VPS26C: variants seen among roughly 807,000 people sequenced by gnomAD.
VPS26C encodes vacuolar protein sorting-associated protein 26C.
A neutral mutation model predicts 30.6 loss-of-function variants in VPS26C; 19 were observed. The observed-to-expected ratio is 0.62, with a 90% CI of 0.43 to 0.91. VPS26C has a LOEUF of 0.91. VPS26C is among the 40% of genes least tolerant of loss of function. The pLI is 0.00. For synonymous variants in VPS26C, 132 were observed against 151.5 expected (o/e 0.87, Z 0.95); for missense variants, 318 against 385.1 (o/e 0.83, Z 1.46).
At chr21:37,239,774 T>G (rs1489754618) in intron 2 of VPS26C, among the ~76,000 whole-genome samples, 1 of 152,108 alleles carries the variant, frequency 6.6e-6, no homozygotes, top group Non-Finnish European at 1.5e-5. Context: ...TTTTTTGTGT[T>G]TTTAGTAGAA....
At chr21:37,244,198 G>A (rs1040776156) in intron 1 of VPS26C, among the ~76,000 whole-genome samples, 7 of 152,346 alleles carry the variant, frequency 4.6e-5, no homozygotes, top group Admixed American at 6.5e-5. Flanking sequence ...CTCTCACAGC[G>A]GAAACCACTG....
Position 37,228,345 on chromosome 21 carries a change from CGAA to C in VPS26C, c.533_535del (p.Leu178del). 6.2e-7 allele frequency: 1 copy of C among 1,614,050 alleles called. No homozygotes were observed. Among genetic ancestry groups the C allele is most frequent in the Admixed American group, 1.7e-5 (1 of 60,016 alleles). On this transcript the variant is annotated inframe_deletion, in exon 6 of 8. Transcript: ENST00000309117. ...ACAGTTTGTTGAGTTGAGATGTCCT[CGAA>C]GGAGAAATTTGGGAAGCAAAGCTCT...
intron 1 of VPS26C, among the ~76,000 whole-genome samples, chr21:37,244,271 T>C (rs931310248): frequency 1.4e-4 from 21 of 152,220 alleles, no homozygotes; most frequent in African/African-American, 4.3e-4. Flanking sequence ...CTCTTTTTTT[T>C]CCTCATTCAC....
At chr21:37,240,023 G>T (rs1034142179) in intron 2 of VPS26C, among the ~76,000 whole-genome samples, 2 of 152,104 alleles carry the variant, frequency 1.3e-5, no homozygotes, top group East Asian at 1.9e-4. Flanking sequence ...CTCCATTTTC[G>T]CAGGTTGATT....
At chr21:37,253,397 G>A (rs575822624) in intron 1 of VPS26C, among the ~76,000 whole-genome samples, 10 of 152,272 alleles carry the variant, frequency 6.6e-5, no homozygotes, top group African/African-American at 2.2e-4. Flanking sequence ...TTCCTTCTAC[G>A]TATGGTATAG....
chr21:37,225,217 A>T lies in VPS26C; in HGVS notation c.*327T>A, dbSNP rs2085886341. ...CATGATGCCACTCTCCAGCAAGCTCAAACTGCTGTCACAATTGTTTTACTG... is the reference window on the plus strand; with the variant it reads ...CATGATGCCACTCTCCAGCAAGCTCTAACTGCTGTCACAATTGTTTTACTG... On this transcript the variant is annotated 3_prime_UTR_variant, in exon 8 of 8. Coordinates refer to ENST00000309117, the MANE Select transcript of VPS26C (RefSeq NM_006052.2). 3.1e-6 allele frequency: 1 copy of T among 318,386 alleles called. No individual in the cohort carries two copies. Among genetic ancestry groups the T allele is most frequent in the Non-Finnish European group, 6.1e-6 (1 of 164,698 alleles). The allele number at this position is 318,386 out of a possible 1,614,324, so 19.7% of individuals were successfully genotyped here.
chr21:37,232,357 G>A lies in VPS26C; in HGVS notation c.507+20C>T, dbSNP rs757785259. The A allele has an allele frequency of 5.0e-6, 8 of 1,610,652 alleles. No individual in the cohort carries two copies. Among genetic ancestry groups the A allele is most frequent in the East Asian group, 2.2e-5 (1 of 44,876 alleles). ...TGCTGGGAAGATACCCACGGCATTC[G>A]CCTGTGCAGGACGTCTTACCTCTTT... On this transcript the variant is annotated intron_variant, in intron 5 of 7. Transcript: ENST00000309117.
intron 2 of VPS26C, among the ~76,000 whole-genome samples, chr21:37,239,964 T>A (rs571658923): frequency 1.6e-4 from 24 of 152,260 alleles, no homozygotes; most frequent in Admixed American, 9.2e-4. Flanking sequence ...CAAATAGGAA[T>A]AAATATAAGC....
upstream of VPS26C, chr21:37,267,577 T>G: frequency 2.0e-6 from 1 of 507,906 alleles, no homozygotes; most frequent in Non-Finnish European, 3.5e-6. Context: ...GCCCCACCCC[T>G]TCCGTAGGGA....
chr21:37,245,835 T>G (rs894384247), intron 1 of VPS26C, among the ~76,000 whole-genome samples: 7 of 151,950 alleles, frequency 4.6e-5, no homozygotes, highest in Admixed American at 2.0e-4. Context: ...AACAGAGCTA[T>G]AAGAGCTCAG....
chr21:37,242,725 T>G (rs2086100130), intron 1 of VPS26C, among the ~76,000 whole-genome samples: 1 of 152,208 alleles, frequency 6.6e-6, no homozygotes, highest in South Asian at 2.1e-4. Context: ...GATGGTCCCG[T>G]TCCTATGCAG....
At chr21:37,232,583 A>G in intron 4 of VPS26C, 132 bp from the exon 5 acceptor site, 1 of 748,134 alleles carries the variant, frequency 1.3e-6, no homozygotes, top group Non-Finnish European at 2.3e-6. Context: ...AAGAGGCGCA[A>G]GCCTGGGTCC....
At chr21:37,239,794 T>C (rs911890737) in intron 2 of VPS26C, among the ~76,000 whole-genome samples, 3 of 152,090 alleles carry the variant, frequency 2.0e-5, no homozygotes, top group African/African-American at 7.2e-5. Flanking sequence ...AACGGGGTTT[T>C]ACCATGTTAG....
chr21:37,267,441 C>T (rs1242600666), upstream of VPS26C: 7 of 637,690 alleles, frequency 1.1e-5, no homozygotes, highest in Admixed American at 3.2e-5. Context: ...CGCACACACT[C>T]CCTAGCTCCG....
intron 1 of VPS26C, among the ~76,000 whole-genome samples, chr21:37,244,083 G>C (rs745904381): frequency 1.2e-4 from 19 of 152,310 alleles, no homozygotes; most frequent in Middle Eastern, 3.4e-3. Flanking sequence ...AGCTAAGTCT[G>C]GAGAGAGGCC....
At chr21:37,245,157 A>G (rs982176658) in intron 1 of VPS26C, among the ~76,000 whole-genome samples, 1 of 152,240 alleles carries the variant, frequency 6.6e-6, no homozygotes, top group African/African-American at 2.4e-5. Context: ...GGATTAAAAA[A>G]TGAGAGTGGG....
intron 6 of VPS26C, 149 bp from the exon 7 acceptor site, chr21:37,227,955 C>T: frequency 1.8e-6 from 2 of 1,122,896 alleles, no homozygotes; most frequent in Non-Finnish European, 2.5e-6. Context: ...TGCTAAGGCA[C>T]AGCCACGCTC....
At chr21:37,258,571 A>G (rs1054985730) in intron 1 of VPS26C, among the ~76,000 whole-genome samples, 1 of 152,172 alleles carries the variant, frequency 6.6e-6, no homozygotes, top group Admixed American at 6.5e-5. Context: ...TTCCTTTGTT[A>G]ACAGGCAGAA....
chr21:37,242,844 G>A (rs988262736), intron 1 of VPS26C, among the ~76,000 whole-genome samples: 5 of 152,196 alleles, frequency 3.3e-5, no homozygotes, highest in South Asian at 4.2e-4. Context: ...TCCCTGCAGC[G>A]TAGGAGGAAA....
Sources: gnomAD v4.1 joint callset for allele counts (sites outside exome capture counted in the v4.1 genomes callset) on GRCh38, gnomAD v4.1.1 for gene constraint, MANE v1.5 for transcripts, NCBI Gene and HGNC (gene_info 2026-07-23, HGNC 2026-07-21) for gene names.